The following ROBO1 variants were observed in gnomAD, a reference collection of about 807,000 sequenced individuals.
The protein encoded by ROBO1 is roundabout guidance receptor 1.
Under a neutral mutation model 195.9 loss-of-function variants are expected in ROBO1, and 149 were observed. The observed-to-expected ratio is 0.76, with a 90% confidence interval of 0.67 to 0.87. The LOEUF is 0.87. ROBO1 is among the 40% of genes least tolerant of loss of function. The pLI, the probability that ROBO1 is intolerant of heterozygous loss-of-function variation, is 0.00. For synonymous variants in ROBO1, 816 were observed against 733.2 expected, an observed-to-expected ratio of 1.11 and a Z score of -1.82; for missense variants, 1,933 against 2,068.3, an observed-to-expected ratio of 0.93 and a Z score of 1.27.
At chr3:79,365,945 A>C (rs1001010262) in intron 2 of ROBO1, among the ~76,000 whole-genome samples, 7 of 150,848 alleles carry the variant, frequency 4.6e-5, no homozygotes. Flanking sequence ...TTCTCCCTCC[A>C]CTTTTCCATT....
chr3:79,208,244 T>G lies in ROBO1; in HGVS notation c.89-82705A>C, dbSNP rs2108795472. 1.3e-5 allele frequency among the ~76,000 whole-genome samples: 2 copies of G among 152,348 alleles called. 1 individual carries two copies. Among genetic ancestry groups the G allele is most frequent in the South Asian group, 4.1e-4 (2 of 4,830 alleles). On this transcript the variant is annotated intron_variant, in intron 2 of 30. Coordinates refer to ENST00000464233, the MANE Select transcript of ROBO1 (RefSeq NM_002941.4). The stretch of plus-strand genomic sequence containing the variant: ...CACTCATAAGTTTTATTTACTTATT[T>G]GTCTCACTTGACACCAAATGCCTGG...
chr3:79,450,842 C>CT (rs1452353349), intron 2 of ROBO1, among the ~76,000 whole-genome samples: 2 of 151,834 alleles, frequency 1.3e-5, no homozygotes, highest in Admixed American at 6.6e-5. Context: ...TCAGGAAGTA[C>CT]TTTTTCACAT....
Position 78,617,846 on chromosome 3 carries a change from G to A in ROBO1, c.4071C>T (p.Ser1357=). Residue 1357 remains serine, a synonymous_variant, in exon 27 of 31, where the codon TCC becomes TCT. Transcript: ENST00000464233. ...LLRGLEQTPA[S]SVGDLESSVT... ...CAGAGCTCTCCAGGTCCCCAACACT[G>A]GAGGCAGGTGTCTGCTCAAGCCCAC... The A allele has an allele frequency of 6.2e-7, 1 of 1,613,930 alleles. No individual in the cohort carries two copies. The highest frequency in any genetic ancestry group is 1.1e-5 in the South Asian group (1 of 91,076).
At chr3:79,711,513 A>G (rs1378667842) in intron 1 of ROBO1, among the ~76,000 whole-genome samples, 1 of 152,140 alleles carries the variant, frequency 6.6e-6, no homozygotes, top group Admixed American at 6.6e-5. Context: ...GAAAAGAATT[A>G]AAATAGAAAA....
intron 2 of ROBO1, among the ~76,000 whole-genome samples, chr3:79,223,492 C>T (rs553772242): frequency 2.0e-5 from 3 of 152,212 alleles, no homozygotes; most frequent in South Asian, 2.1e-4. Context: ...TCCTGATACT[C>T]GAGACCCAAA....
At chr3:79,017,259 C>T (rs1165970886) in intron 3 of ROBO1, among the ~76,000 whole-genome samples, 1 of 152,008 alleles carries the variant, frequency 6.6e-6, no homozygotes, top group African/African-American at 2.4e-5. Flanking sequence ...TTTTTCCCCC[C>T]TTTTCTTACT....
At chr3:79,549,906 C>T (rs1445758250) in intron 2 of ROBO1, among the ~76,000 whole-genome samples, 1 of 151,956 alleles carries the variant, frequency 6.6e-6, no homozygotes, top group Non-Finnish European at 1.5e-5. Flanking sequence ...GGCAAGATCG[C>T]TTGAGGCCAG....
chr3:79,254,540 T>C (rs2082793422), intron 2 of ROBO1, among the ~76,000 whole-genome samples: 1 of 151,932 alleles, frequency 6.6e-6, no homozygotes, highest in African/African-American at 2.4e-5. Context: ...GTGGCACAAA[T>C]GGATGACAGA....
intron 8 of ROBO1, among the ~76,000 whole-genome samples, chr3:78,696,231 T>G (rs538211984): frequency 1.4e-4 from 22 of 152,066 alleles, no homozygotes; most frequent in African/African-American, 5.3e-4. Context: ...TCATAGCCCT[T>G]CTCAACTTCG....
chr3:79,586,618 A>G (rs1304429937), intron 2 of ROBO1, among the ~76,000 whole-genome samples: 1 of 151,920 alleles, frequency 6.6e-6, no homozygotes, highest in Non-Finnish European at 1.5e-5. Context: ...TTCATTTAAA[A>G]TATTGCAATA....
At chr3:78,634,161 C>CT (rs1385801023) in intron 23 of ROBO1, 119 bp from the exon 24 acceptor site, 3 of 580,204 alleles carry the variant, frequency 5.2e-6, no homozygotes, top group East Asian at 6.1e-5. Context: ...ATTTATTTGC[C>CT]TTTTTTCTCT....
intron 1 of ROBO1, among the ~76,000 whole-genome samples, chr3:79,602,991 A>T (rs1401428827): frequency 1.3e-5 from 2 of 152,028 alleles, no homozygotes; most frequent in Non-Finnish European, 2.9e-5. Flanking sequence ...TCAAATGTAT[A>T]CACACATACA....
At chr3:79,551,980 TAA>T (rs771824432) in intron 2 of ROBO1, among the ~76,000 whole-genome samples, 1,337 of 44,116 alleles carry the variant, frequency 0.03, 9 homozygotes, top group East Asian at 0.064. Context: ...TCTACAGAGT[TAA>T]AAAAAAAAAA....
chr3:79,651,773 C>T (rs1342394479), intron 1 of ROBO1, among the ~76,000 whole-genome samples: 1 of 152,146 alleles, frequency 6.6e-6, no homozygotes, highest in African/African-American at 2.4e-5. Flanking sequence ...ATTATACTTT[C>T]ATTCCACTTA....
chr3:79,356,321 T>C (rs1343488171), intron 2 of ROBO1, among the ~76,000 whole-genome samples: 2 of 152,196 alleles, frequency 1.3e-5, no homozygotes, highest in Non-Finnish European at 2.9e-5. Context: ...AGCCTGTGTG[T>C]CAGAGTGAGA....
At chr3:79,183,663 C>A (rs990752131) in intron 2 of ROBO1, among the ~76,000 whole-genome samples, 2 of 152,112 alleles carry the variant, frequency 1.3e-5, no homozygotes, top group African/African-American at 4.8e-5. Context: ...AAAGATAGGA[C>A]AAGAAAGGAC....
In ROBO1 at chr3:79,247,406, C is replaced by T. The variant is rs140881468; in HGVS notation, c.89-121867G>A. On this transcript the variant is annotated intron_variant, in intron 2 of 30. Coordinates refer to ENST00000464233, the MANE Select transcript of ROBO1 (RefSeq NM_002941.4). The stretch of plus-strand genomic sequence containing the variant: ...GATTGTTTGAAAGGTTTAAAGCAAT[C>T]GAACAAAGGAAAAGTCCATTTATTT... 9.7e-4 allele frequency among the ~76,000 whole-genome samples: 147 copies of T among 150,786 alleles called. 3 individuals carry two copies. The East Asian group carries it at 0.025, about 25-fold the overall frequency.
intron 2 of ROBO1, among the ~76,000 whole-genome samples, chr3:79,447,468 C>G (rs780788788): frequency 6.6e-6 from 1 of 152,028 alleles, no homozygotes; most frequent in Non-Finnish European, 1.5e-5. Context: ...CAAGTGGTAT[C>G]GAAAAAAGGA....
chr3:79,325,545 C>T (rs1042364509), intron 2 of ROBO1, among the ~76,000 whole-genome samples: 7 of 152,132 alleles, frequency 4.6e-5, no homozygotes, highest in Middle Eastern at 3.2e-3. Context: ...GGACCCCAAA[C>T]GGAGGGACCG....
Sources: allele counts gnomAD v4.1 joint callset (sites outside exome capture counted in the v4.1 genomes callset), GRCh38; gene constraint gnomAD v4.1.1; transcripts MANE v1.5; gene names NCBI Gene and HGNC (gene_info 2026-07-23, HGNC 2026-07-21).